SOCS5: variants seen among roughly 807,000 people sequenced by gnomAD.
The protein encoded by SOCS5 is suppressor of cytokine signaling 5, also known as CIS-6.
A neutral mutation model predicts 42.8 loss-of-function variants in SOCS5; 32 were observed. That is an observed-to-expected ratio of 0.75 (90% CI 0.56 to 1.01). The LOEUF is 1.01. Among genes scored for constraint, SOCS5 ranks in the 50% least tolerant of loss-of-function variants. SOCS5 has a pLI of 0.00. For missense variants in SOCS5, 627 were observed against 653.0 expected (o/e 0.96, Z 0.43); for synonymous variants, 283 against 229.6 (o/e 1.23, Z -2.10).
intron 1 of SOCS5, among the ~76,000 whole-genome samples, chr2:46,734,631 A>G (rs1174618878): frequency 6.6e-6 from 1 of 152,058 alleles, no homozygotes; most frequent in Non-Finnish European, 1.5e-5. Context: ...AGTCCTCAAT[A>G]TTTACTAAAA....
chr2:46,702,440 G>T (rs568445625), intron 1 of SOCS5, among the ~76,000 whole-genome samples: 2 of 152,306 alleles, frequency 1.3e-5, no homozygotes, highest in South Asian at 4.1e-4. Context: ...GTCATTGGGA[G>T]ATCCTTGTTG....
At position 46,705,593 on chromosome 2, in the gene SOCS5, A is replaced by G. The variant is rs530058346; in HGVS notation, c.-13+6144A>G. On this transcript the variant is annotated intron_variant, in intron 1 of 1. Transcript: ENST00000394861. ...AGGATAAACCCACTGAATGTTAAATATAATCTGTTAAGGAGAAGCTCAAGC... is the reference window on the plus strand; with the variant it reads ...AGGATAAACCCACTGAATGTTAAATGTAATCTGTTAAGGAGAAGCTCAAGC... Among the ~76,000 whole-genome samples, 16 of 152,350 alleles carry G rather than the reference A, an allele frequency of 1.1e-4. No individual in the cohort carries two copies. In the South Asian group the frequency reaches 3.1e-3, roughly 30 times the overall value.
Position 46,747,497 on chromosome 2 carries a change from T to C in SOCS5, c.-12-11022T>C, listed in dbSNP as rs1673529573. Among the ~76,000 whole-genome samples the C allele has an allele frequency of 2.0e-5, 3 of 152,348 alleles. No individual in the cohort carries two copies. The South Asian group carries it at 6.2e-4, about 32-fold the overall frequency. ...TCCCAAAGTGCTGAGATTACAGGCATGAGCCACTATGCCCGGCTAGTCTCT... is the reference window on the plus strand; with the variant it reads ...TCCCAAAGTGCTGAGATTACAGGCACGAGCCACTATGCCCGGCTAGTCTCT... On this transcript the variant is annotated intron_variant, in intron 1 of 1. Coordinates refer to ENST00000394861, the MANE Select transcript of SOCS5 (RefSeq NM_144949.3).
At chr2:46,754,016 C>G (rs1262295829) in intron 1 of SOCS5, among the ~76,000 whole-genome samples, 1 of 152,106 alleles carries the variant, frequency 6.6e-6, no homozygotes, top group Non-Finnish European at 1.5e-5. Context: ...TGACCTGTAT[C>G]TTGTGCCAAC....
At position 46,699,977 on chromosome 2, in the gene SOCS5, G is replaced by A. The variant is rs1222974378; in HGVS notation, c.-13+528G>A. Among the ~76,000 whole-genome samples the A allele has an allele frequency of 2.0e-5, 3 of 152,270 alleles. No individual in the cohort carries two copies. The highest frequency in any genetic ancestry group is 4.4e-5 in the Non-Finnish European group (3 of 68,022). ...AGGGAACCAATGAGTACATATGTGG[G>A]AAATGAATTGAGTGCCCCGGGAGGT... On this transcript the variant is annotated intron_variant, in intron 1 of 1. Transcript: ENST00000394861. This position sits in a 1 kb window ranked among gnomAD's most constrained non-coding sequence, Gnocchi z 4.8.
chr2:46,707,279 C>T (rs1052565598), intron 1 of SOCS5, among the ~76,000 whole-genome samples: 2 of 152,106 alleles, frequency 1.3e-5, no homozygotes, highest in Non-Finnish European at 2.9e-5. Flanking sequence ...ATAGTTGAAA[C>T]GTTTTAATCA....
chr2:46,756,494 C>G (rs1181537040), intron 1 of SOCS5, among the ~76,000 whole-genome samples: 1 of 151,908 alleles, frequency 6.6e-6, no homozygotes, highest in Non-Finnish European at 1.5e-5. Flanking sequence ...ATTTGGCCTT[C>G]AGGCTTTGGT....
chr2:46,722,920 A>G (rs988160052), intron 1 of SOCS5, among the ~76,000 whole-genome samples: 9 of 152,098 alleles, frequency 5.9e-5, no homozygotes, highest in African/African-American at 2.2e-4. Flanking sequence ...ATAACGTTGA[A>G]TATTTTTATG....
At chr2:46,737,505 T>C (rs1673279791) in intron 1 of SOCS5, among the ~76,000 whole-genome samples, 1 of 152,216 alleles carries the variant, frequency 6.6e-6, no homozygotes, top group Non-Finnish European at 1.5e-5. Flanking sequence ...TTGGTGACAA[T>C]AATTATTTTT....
intron 1 of SOCS5, among the ~76,000 whole-genome samples, chr2:46,736,472 C>T (rs149680249): frequency 6.6e-6 from 1 of 152,278 alleles, no homozygotes; most frequent in Non-Finnish European, 1.5e-5. Context: ...TCATTAAAAA[C>T]TAACCTCATT....
chr2:46,749,954 A>G lies in SOCS5; in HGVS notation c.-12-8565A>G, dbSNP rs1196105236. Among the ~76,000 whole-genome samples the G allele has an allele frequency of 2.0e-5, 3 of 152,216 alleles. No individual in the cohort carries two copies. The East Asian group carries it at 5.8e-4, about 29-fold the overall frequency. Reference sequence around the variant, plus strand: ...AAAGATGCTAGATAATACTGGTAACATTTTTAAAACCTCTCTGTCTTTTGA... The same window carrying G: ...AAAGATGCTAGATAATACTGGTAACGTTTTTAAAACCTCTCTGTCTTTTGA... On this transcript the variant is annotated intron_variant, in intron 1 of 1. Transcript: ENST00000394861.
chr2:46,718,093 TTTTGTGTGTG>T (rs1300720704), intron 1 of SOCS5, among the ~76,000 whole-genome samples: 1 of 15,946 alleles, frequency 6.3e-5, no homozygotes, highest in Non-Finnish European at 1.1e-4. Context: ...GATTCTTGTG[TTTTGTGTGTG>T]TGTGTGTGTG....
chr2:46,755,516 A>G (rs1001470716), intron 1 of SOCS5, among the ~76,000 whole-genome samples: 2 of 152,222 alleles, frequency 1.3e-5, no homozygotes, highest in Non-Finnish European at 2.9e-5. Flanking sequence ...TTCCAAAAGC[A>G]TTATAAAATC....
At chr2:46,750,734 CATT>C (rs1558412144) in intron 1 of SOCS5, among the ~76,000 whole-genome samples, 1 of 152,104 alleles carries the variant, frequency 6.6e-6, no homozygotes, top group African/African-American at 2.4e-5. Context: ...GATACCGAAA[CATT>C]GTTGGTAGGC....
intron 1 of SOCS5, among the ~76,000 whole-genome samples, chr2:46,748,248 C>T (rs1293560494): frequency 2.0e-5 from 3 of 148,260 alleles, no homozygotes; most frequent in Non-Finnish European, 3.0e-5. Flanking sequence ...TGCAGTGGTA[C>T]GAACTTGGCT....
intron 1 of SOCS5, among the ~76,000 whole-genome samples, chr2:46,707,769 C>G (rs6741642): frequency 6.6e-6 from 1 of 151,904 alleles, no homozygotes; most frequent in Non-Finnish European, 1.5e-5. Flanking sequence ...AATACAAATG[C>G]TCCTCGACTT....
intron 1 of SOCS5, among the ~76,000 whole-genome samples, chr2:46,743,701 C>T (rs751159061): frequency 2.6e-4 from 39 of 152,174 alleles, no homozygotes; most frequent in Non-Finnish European, 4.9e-4. Context: ...GTTCACATGC[C>T]TCTGGCAAAC....
intron 1 of SOCS5, among the ~76,000 whole-genome samples, chr2:46,751,398 T>TA (rs990420673): frequency 1.7e-3 from 259 of 151,024 alleles, no homozygotes; most frequent in East Asian, 3.5e-3. Context: ...ATAGTTTACT[T>TA]AAAAAAAAAT....
intron 1 of SOCS5, among the ~76,000 whole-genome samples, chr2:46,756,212 A>T (rs1194001364): frequency 6.6e-6 from 1 of 152,216 alleles, no homozygotes; most frequent in Non-Finnish European, 1.5e-5. Context: ...TCAGAGAAGT[A>T]TCTTTAGATA....
Sources: allele counts gnomAD v4.1 joint callset (sites outside exome capture counted in the v4.1 genomes callset), GRCh38; gene constraint gnomAD v4.1.1; non-coding constraint Gnocchi (gnomAD v3.1); transcripts MANE v1.5; gene names NCBI Gene and HGNC (gene_info 2026-07-23, HGNC 2026-07-21).